The following PDK1 variants were observed in gnomAD, a reference collection of about 807,000 sequenced individuals.
PDK1 encodes the protein [Pyruvate dehydrogenase (acetyl-transferring)] kinase isozyme 1, mitochondrial.
In PDK1, 39 loss-of-function variants were observed where a neutral mutation model predicts 54.2. That is an observed-to-expected ratio of 0.72 (90% confidence interval 0.56 to 0.94). PDK1 has a LOEUF of 0.94. Among genes scored for constraint, PDK1 ranks in the 40% least tolerant of loss-of-function variants. The pLI is 0.00. For synonymous variants in PDK1, 221 were observed against 207.1 expected (o/e 1.07, Z -0.58); for missense variants, 552 against 566.0 (o/e 0.98, Z 0.25).
the PDK1 span, among the ~76,000 whole-genome samples, chr2:172,692,303 T>C: frequency 5.9e-5 from 9 of 152,208 alleles, no homozygotes; most frequent in Non-Finnish European, 1.0e-4. Flanking sequence ...AAACTAAAAA[T>C]TTTTTAAGGC....
At chr2:172,589,510 T>A (rs573671808) in intron 9 of PDK1, among the ~76,000 whole-genome samples, 1 of 152,350 alleles carries the variant, frequency 6.6e-6, no homozygotes, top group East Asian at 1.9e-4. Context: ...AATACCCACC[T>A]TGACTTCCTC....
At chr2:172,636,448 G>T in the PDK1 span, among the ~76,000 whole-genome samples, 27 of 152,140 alleles carry the variant, frequency 1.8e-4, no homozygotes, top group African/African-American at 6.5e-4. Flanking sequence ...AGCCGGGCGC[G>T]ATGGCTCATG....
At chr2:172,589,129 TG>T (rs1690427467) in intron 9 of PDK1, among the ~76,000 whole-genome samples, 1 of 152,174 alleles carries the variant, frequency 6.6e-6, no homozygotes, top group Non-Finnish European at 1.5e-5. Flanking sequence ...CCCATAAGTA[TG>T]GTCAAGAGAG....
the PDK1 span, among the ~76,000 whole-genome samples, chr2:172,705,684 A>T: frequency 6.6e-6 from 1 of 152,264 alleles, no homozygotes; most frequent in Non-Finnish European, 1.5e-5. Flanking sequence ...CTTAATAAGA[A>T]ATATTGAATG....
chr2:172,659,113 G>A, the PDK1 span, among the ~76,000 whole-genome samples: 1 of 152,080 alleles, frequency 6.6e-6, no homozygotes, highest in African/African-American at 2.4e-5. Context: ...TTGTGGCTCA[G>A]GTGGGCATCA....
At chr2:172,593,143 T>C in intron 10 of PDK1, 95 bp downstream of exon 10, 1 of 610,662 alleles carries the variant, frequency 1.6e-6, no homozygotes, top group Non-Finnish European at 2.9e-6. Context: ...TACCACATGC[T>C]GTTTAAATAG....
chr2:172,582,169 C>A (rs1689948088), intron 8 of PDK1, among the ~76,000 whole-genome samples: 1 of 152,218 alleles, frequency 6.6e-6, no homozygotes, highest in African/African-American at 2.4e-5. Flanking sequence ...CCACCTCAGA[C>A]TCCCAAAGTG....
At chr2:172,574,748 A>C (rs574047548) in intron 8 of PDK1, among the ~76,000 whole-genome samples, 2 of 152,282 alleles carry the variant, frequency 1.3e-5, no homozygotes, top group Non-Finnish European at 2.9e-5. Flanking sequence ...ATAGGAATAT[A>C]ACTGATTTTT....
the PDK1 span, among the ~76,000 whole-genome samples, chr2:172,701,042 GGAGGGAGAAGAGGGA>G: frequency 6.6e-6 from 1 of 151,918 alleles, no homozygotes; most frequent in African/African-American, 2.4e-5. Context: ...AGGAGGGAGA[GGAGGGAGAAGAGGGA>G]GAGGGAGAGC....
intron 8 of PDK1, among the ~76,000 whole-genome samples, chr2:172,573,735 C>T (rs762542935): frequency 2.6e-5 from 4 of 151,640 alleles, no homozygotes; most frequent in Non-Finnish European, 4.4e-5. Flanking sequence ...TCTCCCATTC[C>T]GTGGGTTCTT....
At chr2:172,678,529 C>G in the PDK1 span, among the ~76,000 whole-genome samples, 2 of 152,130 alleles carry the variant, frequency 1.3e-5, no homozygotes, top group Admixed American at 6.5e-5. Flanking sequence ...TTAAAATAAA[C>G]TTAAAAGTTG....
the PDK1 span, among the ~76,000 whole-genome samples, chr2:172,654,349 G>A: frequency 2.0e-5 from 3 of 152,170 alleles, 1 homozygote; most frequent in South Asian, 6.2e-4. Flanking sequence ...ATTCACAATA[G>A]CAAAGACTTG....
At chr2:172,616,872 G>A in the PDK1 span, among the ~76,000 whole-genome samples, 1 of 152,108 alleles carries the variant, frequency 6.6e-6, no homozygotes, top group Admixed American at 6.5e-5. Flanking sequence ...AACAAAAGCA[G>A]AACATGGTAT....
At chr2:172,634,165 G>A in the PDK1 span, among the ~76,000 whole-genome samples, 9 of 146,294 alleles carry the variant, frequency 6.2e-5, no homozygotes, top group South Asian at 4.4e-4. Flanking sequence ...GGCGTGAGCC[G>A]ATGCGCCTGG....
intron 8 of PDK1, among the ~76,000 whole-genome samples, chr2:172,586,015 C>G (rs146111648): frequency 6.6e-6 from 1 of 151,882 alleles, no homozygotes; most frequent in Non-Finnish European, 1.5e-5. Context: ...AAAAATTAGC[C>G]GGGCATGGTG....
At chr2:172,681,886 T>G in the PDK1 span, among the ~76,000 whole-genome samples, 5 of 152,164 alleles carry the variant, frequency 3.3e-5, no homozygotes, top group African/African-American at 1.2e-4. Context: ...AAACTCCTGA[T>G]AGATGGGACT....
At chr2:172,588,429 T>G (rs1690381636) in intron 9 of PDK1, among the ~76,000 whole-genome samples, 1 of 152,094 alleles carries the variant, frequency 6.6e-6, no homozygotes, top group Non-Finnish European at 1.5e-5. Flanking sequence ...CTTAGAAAAA[T>G]GGAGTTATTG....
the PDK1 span, among the ~76,000 whole-genome samples, chr2:172,710,038 A>ATGTCAGAAAT: frequency 6.6e-6 from 1 of 152,208 alleles, no homozygotes; most frequent in Non-Finnish European, 1.5e-5. Context: ...GACCCTGGGA[A>ATGTCAGAAAT]TGTTGACCCT....
chr2:172,673,131 G>A, the PDK1 span, among the ~76,000 whole-genome samples: 4 of 152,292 alleles, frequency 2.6e-5, no homozygotes, highest in East Asian at 1.9e-4. Context: ...GATTAAGTGC[G>A]CTGTTTGACC....
Sources: gnomAD v4.1 joint callset for allele counts (sites outside exome capture counted in the v4.1 genomes callset) on GRCh38, gnomAD v4.1.1 for gene constraint, MANE v1.5 for transcripts, NCBI Gene and HGNC (gene_info 2026-07-23, HGNC 2026-07-21) for gene names.